Variants in CEACAM19 observed in about 807,000 individuals in gnomAD.
CEACAM19 encodes the protein cell adhesion molecule CEACAM19.
Under a neutral mutation model 37.6 loss-of-function variants are expected in CEACAM19, and 37 were observed. The ratio of observed to expected loss-of-function variants is 0.98; its 90% CI spans 0.76 to 1.29. The LOEUF (loss-of-function observed/expected upper bound fraction) is 1.29. Ranked by LOEUF, CEACAM19 falls within the 50% of genes most tolerant of loss-of-function variation. The pLI, the probability that CEACAM19 is intolerant of heterozygous loss-of-function variation, is 0.00. For synonymous variants in CEACAM19, 140 were observed against 149.8 expected (o/e 0.93, Z 0.48); for missense variants, 340 against 375.6 (o/e 0.91, Z 0.78).
At chr19:44,666,324 T>A (rs1413305944) in intron 1 of CEACAM19, among the ~76,000 whole-genome samples, 1 of 152,092 alleles carries the variant, frequency 6.6e-6, no homozygotes, top group Non-Finnish European at 1.5e-5. Flanking sequence ...ACTGCTGGGT[T>A]TGCAACAACT....
intron 1 of CEACAM19, chr19:44,666,172 G>A (rs1383719344): frequency 2.0e-5 from 3 of 152,236 alleles, no homozygotes; most frequent in Admixed American, 2.0e-4. Context: ...AGGAATCGAA[G>A]TGATTGTTTG....
At chr19:44,667,617 T>TTATATATATATATATATA (rs1410722559), upstream of CEACAM19, among the ~76,000 whole-genome samples, 1 of 99,466 alleles carries the variant, frequency 1.0e-5, no homozygotes, top group Admixed American at 1.7e-4. Flanking sequence ...ATATATTATA[T>TTATATATATATATATATA]ATTTATAAAT....
upstream of CEACAM19, among the ~76,000 whole-genome samples, chr19:44,668,560 ACATATT>A (rs1973793989): frequency 2.6e-5 from 1 of 38,034 alleles, no homozygotes; most frequent in African/African-American, 2.6e-4. Context: ...ATAATTATAT[ACATATT>A]ATATATGTAT....
intron 2 of CEACAM19, among the ~76,000 whole-genome samples, chr19:44,675,172 A>G (rs866013890): frequency 1.9e-4 from 29 of 151,002 alleles, no homozygotes; most frequent in African/African-American, 6.6e-4. Flanking sequence ...AGAACTAGGT[A>G]TTCATATTAT....
At chr19:44,670,791 A>G (rs921053818), upstream of CEACAM19, among the ~76,000 whole-genome samples, 1 of 126,558 alleles carries the variant, frequency 7.9e-6, no homozygotes, top group Non-Finnish European at 1.6e-5. Flanking sequence ...GAAAAAAAAA[A>G]AAAAAAAAAA....
upstream of CEACAM19, among the ~76,000 whole-genome samples, chr19:44,668,347 TAA>T (rs1381127762): frequency 5.4e-3 from 28 of 5,174 alleles, 3 homozygotes; most frequent in African/African-American, 5.9e-3. Context: ...ATAATATATA[TAA>T]TATATTTATA....
At chr19:44,669,483 C>G (rs768717198), upstream of CEACAM19, among the ~76,000 whole-genome samples, 1 of 151,966 alleles carries the variant, frequency 6.6e-6, no homozygotes, top group Non-Finnish European at 1.5e-5. Flanking sequence ...CAGCATAACA[C>G]TAGACCCTCC....
At chr19:44,672,099 A>G in intron 1 of CEACAM19, 113 bp downstream of exon 1, 1 of 865,032 alleles carries the variant, frequency 1.2e-6, no homozygotes, top group Admixed American at 2.2e-5. Flanking sequence ...AAATTAGAAT[A>G]AGATGGGGGA....
Position 44,683,605 on chromosome 19 carries a change from G to GAC in CEACAM19, c.*116_*117dup. On this transcript the variant is annotated 3_prime_UTR_variant, in exon 8 of 8. Transcript: ENST00000358777. ...TGGGGGCTGTGGGGCCGATGAGGTG[G>GAC]ACTCAGCCAAAGACTCAGCAGCACA... is the stretch of plus-strand genomic sequence containing the variant. 1 of 606,796 alleles carries GAC rather than the reference G, an allele frequency of 1.6e-6. No individual in the cohort carries two copies. Among genetic ancestry groups the GAC allele is most frequent in the Non-Finnish European group, 2.8e-6 (1 of 359,996 alleles). 37.6% of individuals were successfully genotyped at this position (606,796 alleles called of 1,614,324 possible).
intron 5 of CEACAM19, among the ~76,000 whole-genome samples, 166 bp from the exon 6 acceptor site, chr19:44,681,061 C>A (rs1010164639): frequency 6.6e-6 from 1 of 152,082 alleles, no homozygotes; most frequent in Non-Finnish European, 1.5e-5. Context: ...GAAGGGCAGG[C>A]CTGGGACTGT....
chr19:44,676,506 G>A (rs748192842), intron 3 of CEACAM19, 85 bp downstream of exon 3: 59 of 1,343,402 alleles, frequency 4.4e-5, no homozygotes, highest in East Asian at 6.9e-5. Flanking sequence ...CACATCATCC[G>A]GCTCATACAC....
At chr19:44,667,604 AAT>A (rs1248768440), upstream of CEACAM19, among the ~76,000 whole-genome samples, 5 of 103,606 alleles carry the variant, frequency 4.8e-5, no homozygotes, top group East Asian at 1.2e-3. Flanking sequence ...TTTATATATA[AAT>A]ATATATTATA....
At chr19:44,676,179 T>C (rs1040511386) in intron 2 of CEACAM19, 92 bp from the exon 3 acceptor site, 11 of 1,307,656 alleles carry the variant, frequency 8.4e-6, no homozygotes, top group Middle Eastern at 1.9e-4. Context: ...CAGTTCTCCA[T>C]GCAGTCACTG....
intron 4 of CEACAM19, 33 bp downstream of exon 4, chr19:44,678,969 A>C: frequency 1.2e-6 from 2 of 1,611,670 alleles, no homozygotes; most frequent in Non-Finnish European, 8.5e-7. Flanking sequence ...TTAGTGAACT[A>C]ACAAACTTGC....
At chr19:44,680,825 C>T (rs752834071) in intron 5 of CEACAM19, among the ~76,000 whole-genome samples, 1 of 152,186 alleles carries the variant, frequency 6.6e-6, no homozygotes, top group Non-Finnish European at 1.5e-5. Context: ...ACACAGCTGG[C>T]TCTCTCACCA....
intron 1 of CEACAM19, among the ~76,000 whole-genome samples, chr19:44,672,200 G>A (rs1399699787): frequency 6.6e-6 from 1 of 152,152 alleles, no homozygotes; most frequent in Non-Finnish European, 1.5e-5. Context: ...TGTATGTTTG[G>A]TTCCCTGCTA....
intron 5 of CEACAM19, among the ~76,000 whole-genome samples, 160 bp from the exon 6 acceptor site, chr19:44,681,067 A>G (rs1974049123): frequency 6.6e-6 from 1 of 151,622 alleles, no homozygotes; most frequent in East Asian, 2.0e-4. Context: ...CAGGCCTGGG[A>G]CTGTCGTGGT....
chr19:44,670,359 C>A (rs1973833442), upstream of CEACAM19, among the ~76,000 whole-genome samples: 1 of 149,614 alleles, frequency 6.7e-6, no homozygotes, highest in Non-Finnish European at 1.5e-5. Flanking sequence ...TTGGAATAAA[C>A]ATGATCCAAA....
rs539237838 is a variant in CEACAM19 at position 44,676,139 on chromosome 19, G to A, written c.425-132G>A. On this transcript the variant is annotated intron_variant, in intron 2 of 7. Coordinates refer to ENST00000358777, the MANE Select transcript of CEACAM19 (RefSeq NM_001127893.3). Reference sequence around the variant, plus strand: ...ACTCAGATCTGAAAAGCAGGAGAAAGCTCTGGGCTGGAAATAGGAAACTGC... The same window carrying A: ...ACTCAGATCTGAAAAGCAGGAGAAAACTCTGGGCTGGAAATAGGAAACTGC... 14 of 910,272 alleles carry A rather than the reference G, an allele frequency of 1.5e-5. 1 individual carries two copies. The highest frequency in any genetic ancestry group is 4.6e-4 in the Middle Eastern group (2 of 4,376). 56.4% of individuals were successfully genotyped at this position (910,272 alleles called of 1,614,324 possible).
Sources: gnomAD v4.1 joint callset for allele counts (sites outside exome capture counted in the v4.1 genomes callset) on GRCh38, gnomAD v4.1.1 for gene constraint, MANE v1.5 for transcripts, NCBI Gene and HGNC (gene_info 2026-07-23, HGNC 2026-07-21) for gene names.